STK32B: variants seen among roughly 807,000 people sequenced by gnomAD.
STK32B encodes the protein serine/threonine kinase 32B.
STK32B carries 43 observed loss-of-function variants against 52.6 expected under a neutral mutation model. The ratio of observed to expected loss-of-function variants is 0.82; its 90% CI spans 0.64 to 1.05. The LOEUF is 1.05. STK32B is among the 50% of genes least tolerant of loss of function. The pLI, the probability that STK32B is intolerant of heterozygous loss-of-function variation, is 0.00. For synonymous variants in STK32B, 238 were observed against 204.3 expected (o/e 1.17, Z -1.41); for missense variants, 621 against 534.6 (o/e 1.16, Z -1.59).
At chr4:5,278,317 T>C (rs1321160404) in intron 3 of STK32B, among the ~76,000 whole-genome samples, 5 of 152,212 alleles carry the variant, frequency 3.3e-5, no homozygotes, top group Admixed American at 6.5e-5. Flanking sequence ...TCTGAGCCAA[T>C]GCTGCAGCTG....
At chr4:5,148,170 A>G (rs1717062850) in intron 2 of STK32B, among the ~76,000 whole-genome samples, 3 of 151,888 alleles carry the variant, frequency 2.0e-5, no homozygotes, top group African/African-American at 7.2e-5. Context: ...TATGTTGGCA[A>G]ATTTGTTGGC....
At chr4:5,119,084 T>C (rs1407532146) in intron 1 of STK32B, among the ~76,000 whole-genome samples, 1 of 152,186 alleles carries the variant, frequency 6.6e-6, no homozygotes, top group Non-Finnish European at 1.5e-5. Context: ...GAATCTGTGT[T>C]TTCCACATAA....
the STK32B span, among the ~76,000 whole-genome samples, chr4:5,021,458 G>C: frequency 0.011 from 1,737 of 152,290 alleles, 35 homozygotes; most frequent in African/African-American, 0.04. Flanking sequence ...GATAGTGCCT[G>C]GGGCATGGGC....
chr4:5,381,198 G>A (rs1735913580), intron 4 of STK32B, among the ~76,000 whole-genome samples: 1 of 152,222 alleles, frequency 6.6e-6, no homozygotes, highest in South Asian at 2.1e-4. Context: ...AGACTCCCTG[G>A]TTAGGAACTG....
chr4:5,379,114 A>G (rs373156825), intron 4 of STK32B, among the ~76,000 whole-genome samples: 1 of 152,170 alleles, frequency 6.6e-6, no homozygotes, highest in East Asian at 1.9e-4. Context: ...CCTGTTGGTC[A>G]GTGATAATGA....
rs139077706 is a variant in STK32B, at chr4:5,279,384, G to A, written c.261-51836G>A. Among the ~76,000 whole-genome samples the A allele has an allele frequency of 3.2e-3, 486 of 152,196 alleles. 1 individual carries two copies. The highest frequency in any genetic ancestry group is 0.011 in the African/African-American group (455 of 41,524). On this transcript the variant is annotated intron_variant, in intron 3 of 11. Coordinates refer to ENST00000282908, the MANE Select transcript of STK32B (RefSeq NM_018401.3). ...TTAAAGCTCCAAAATAATCTTCCTCGACTCCATGATTCACATCCAGGCCAC... is the reference window on the plus strand; with the variant it reads ...TTAAAGCTCCAAAATAATCTTCCTCAACTCCATGATTCACATCCAGGCCAC...
chr4:5,316,135 A>C (rs1468502513), intron 3 of STK32B, among the ~76,000 whole-genome samples: 1 of 98,088 alleles, frequency 1.0e-5, no homozygotes, highest in Non-Finnish European at 1.7e-5. Context: ...TTTTCAAGTT[A>C]TATATATATA....
chr4:5,028,464 A>C, the STK32B span, among the ~76,000 whole-genome samples: 2 of 152,254 alleles, frequency 1.3e-5, no homozygotes, highest in Admixed American at 1.3e-4. Context: ...TATTTTATAC[A>C]AAGTGACGTA....
chr4:5,168,247 T>C, intron 2 of STK32B, 52 bp from the exon 3 acceptor site: 1 of 1,575,094 alleles, frequency 6.3e-7, no homozygotes, highest in Non-Finnish European at 8.7e-7. Flanking sequence ...TTCTCCTTTG[T>C]CTCCCTTTTC....
intron 6 of STK32B, among the ~76,000 whole-genome samples, chr4:5,437,174 G>A (rs4689232): frequency 0.094 from 14,283 of 152,284 alleles, 1,028 homozygotes; most frequent in East Asian, 0.4. Context: ...CAGCTCTGCT[G>A]TGCTAACTGG....
At chr4:5,068,365 C>T (rs1711549273) in intron 1 of STK32B, among the ~76,000 whole-genome samples, 1 of 152,150 alleles carries the variant, frequency 6.6e-6, no homozygotes, top group Admixed American at 6.5e-5. Context: ...TAAGTGAGAA[C>T]ATACAACATT....
chr4:5,186,860 C>A (rs760388049), intron 3 of STK32B, among the ~76,000 whole-genome samples: 2 of 152,164 alleles, frequency 1.3e-5, no homozygotes, highest in Non-Finnish European at 2.9e-5. Flanking sequence ...TTTAAAGATA[C>A]CAGGTGTGTA....
intron 4 of STK32B, among the ~76,000 whole-genome samples, chr4:5,385,160 C>A (rs188156632): frequency 6.6e-6 from 1 of 152,180 alleles, no homozygotes; most frequent in East Asian, 1.9e-4. Flanking sequence ...GCTTTCCCTC[C>A]TGGCCAGAGC....
intron 2 of STK32B, among the ~76,000 whole-genome samples, chr4:5,152,114 A>G (rs6849011): frequency 0.014 from 2,074 of 152,314 alleles, 51 homozygotes; most frequent in African/African-American, 0.047. Flanking sequence ...GTAAGAAAAC[A>G]GGTCTGCATT....
At chr4:5,076,352 C>A (rs1466310590) in intron 1 of STK32B, among the ~76,000 whole-genome samples, 1 of 152,124 alleles carries the variant, frequency 6.6e-6, no homozygotes, top group African/African-American at 2.4e-5. Flanking sequence ...CACTTGTCCC[C>A]TATTTTGGGG....
At chr4:5,421,732 C>T (rs929413221) in intron 6 of STK32B, among the ~76,000 whole-genome samples, 9 of 152,158 alleles carry the variant, frequency 5.9e-5, no homozygotes, top group Non-Finnish European at 1.0e-4. Flanking sequence ...CCTCCATGGC[C>T]CTGCTTTCAA....
chr4:5,192,156 G>C (rs952256024), intron 3 of STK32B, among the ~76,000 whole-genome samples: 1 of 152,244 alleles, frequency 6.6e-6, no homozygotes, highest in Non-Finnish European at 1.5e-5. Context: ...GACAGGATCA[G>C]TTGAAGGATC....
intron 5 of STK32B, among the ~76,000 whole-genome samples, chr4:5,412,171 G>T (rs1361181656): frequency 6.6e-6 from 1 of 152,154 alleles, no homozygotes; most frequent in African/African-American, 2.4e-5. Flanking sequence ...TACTCCATTA[G>T]CATTTGTATT....
intron 5 of STK32B, among the ~76,000 whole-genome samples, chr4:5,410,152 A>G (rs1468687771): frequency 6.6e-6 from 1 of 152,196 alleles, no homozygotes; most frequent in African/African-American, 2.4e-5. Flanking sequence ...CCACGGCTCC[A>G]AAGTGCAATT....
Sources: allele counts gnomAD v4.1 joint callset (sites outside exome capture counted in the v4.1 genomes callset), GRCh38; gene constraint gnomAD v4.1.1; transcripts MANE v1.5; gene names NCBI Gene and HGNC (gene_info 2026-07-23, HGNC 2026-07-21).